NR3C2: variants seen among roughly 807,000 people sequenced by gnomAD.
NR3C2 encodes mineralocorticoid receptor.
A neutral mutation model predicts 86.4 loss-of-function variants in NR3C2; 15 were observed. The ratio of observed to expected loss-of-function variants is 0.17; its 90% CI spans 0.12 to 0.27. The LOEUF (loss-of-function observed/expected upper bound fraction) is 0.27. Ranked by LOEUF, NR3C2 falls within the 10% of genes least tolerant of loss-of-function variation. The probability of loss-of-function intolerance (pLI) is 1.00; values close to 1 mark genes in which losing one functional copy is unlikely to be tolerated. For synonymous variants in NR3C2, 458 were observed against 450.5 expected, an observed-to-expected ratio of 1.02 and a Z score of -0.21; for missense variants, 960 against 1,195.6, an observed-to-expected ratio of 0.80 and a Z score of 2.91.
chr4:148,348,412 G>A (rs1003213415), intron 2 of NR3C2, among the ~76,000 whole-genome samples: 11 of 152,142 alleles, frequency 7.2e-5, no homozygotes, highest in African/African-American at 2.7e-4. Context: ...CCAGCACTTA[G>A]AAACTATCTA....
intron 2 of NR3C2, among the ~76,000 whole-genome samples, chr4:148,380,223 C>T (rs138992169): frequency 2.6e-3 from 397 of 152,254 alleles, no homozygotes; most frequent in African/African-American, 8.7e-3. Context: ...TATGTGGCCT[C>T]TTGTGCTTGG....
chr4:148,407,288 T>G (rs61756953), intron 2 of NR3C2, among the ~76,000 whole-genome samples: 5 of 152,186 alleles, frequency 3.3e-5, no homozygotes, highest in Non-Finnish European at 2.9e-5. Context: ...TGTGGTCTAG[T>G]AACAACAGAA....
chr4:148,239,328 C>T (rs986516628), intron 3 of NR3C2, among the ~76,000 whole-genome samples: 3 of 152,184 alleles, frequency 2.0e-5, no homozygotes, highest in African/African-American at 7.2e-5. Flanking sequence ...AATGAGTTTG[C>T]TCAGCACAGT....
intron 3 of NR3C2, among the ~76,000 whole-genome samples, chr4:148,240,007 G>A (rs1477031169): frequency 6.6e-6 from 1 of 151,908 alleles, no homozygotes; most frequent in East Asian, 1.9e-4. Flanking sequence ...GTGCGTGTGT[G>A]GGGGGCCAGA....
At chr4:148,203,005 T>G (rs1247712343) in intron 3 of NR3C2, among the ~76,000 whole-genome samples, 1 of 152,260 alleles carries the variant, frequency 6.6e-6, no homozygotes, top group Non-Finnish European at 1.5e-5. Context: ...TAAAACCTTA[T>G]TTTTATGCTC....
intron 2 of NR3C2, among the ~76,000 whole-genome samples, chr4:148,352,386 A>G (rs868715416): frequency 7.3e-6 from 1 of 136,466 alleles, no homozygotes; most frequent in Non-Finnish European, 1.5e-5. Flanking sequence ...CTATCTATCT[A>G]TCTATCTATC....
chr4:148,155,721 A>G lies in NR3C2; in HGVS notation c.2015-820T>C, dbSNP rs549878510. ...TTATAGATTCAATGCCATCCCCATC[A>G]AGCTACCAATGACTTTCTTCACGGA... On this transcript the variant is annotated intron_variant, in intron 4 of 8. Coordinates refer to ENST00000358102, the MANE Select transcript of NR3C2 (RefSeq NM_000901.5). 2.7e-5 allele frequency among the ~76,000 whole-genome samples: 4 copies of G among 150,724 alleles called. No homozygotes were observed. In the East Asian group the frequency reaches 7.9e-4, roughly 30 times the overall value.
chr4:148,378,644 C>T (rs951415108), intron 2 of NR3C2, among the ~76,000 whole-genome samples: 9 of 152,140 alleles, frequency 5.9e-5, no homozygotes, highest in Non-Finnish European at 1.3e-4. Context: ...CCATGTAAGA[C>T]GTGCCTGCTT....
At chr4:148,205,875 CTAAAAAAAAAATGTTG>C (rs968223832) in intron 3 of NR3C2, among the ~76,000 whole-genome samples, 4 of 151,800 alleles carry the variant, frequency 2.6e-5, no homozygotes, top group African/African-American at 9.7e-5. Flanking sequence ...GAGAAACACA[CTAAAAAAAAAATGTTG>C]TCAGAAGGCA....
At chr4:148,352,823 C>T (rs1745360898) in intron 2 of NR3C2, among the ~76,000 whole-genome samples, 1 of 152,116 alleles carries the variant, frequency 6.6e-6, no homozygotes. Flanking sequence ...AATCTAACCA[C>T]TAAACTCACA....
At chr4:148,302,939 C>T (rs539288882) in intron 2 of NR3C2, among the ~76,000 whole-genome samples, 18 of 151,678 alleles carry the variant, frequency 1.2e-4, no homozygotes, top group African/African-American at 4.4e-4. Flanking sequence ...ACCCAATTCA[C>T]AGGTATTTGA....
chr4:148,191,998 T>C (rs764123122), intron 4 of NR3C2, among the ~76,000 whole-genome samples: 1 of 152,154 alleles, frequency 6.6e-6, no homozygotes, highest in Non-Finnish European at 1.5e-5. Flanking sequence ...AAATCAGGGA[T>C]TTCTTCTTGG....
At chr4:148,088,725 G>A (rs1177368310) in intron 8 of NR3C2, among the ~76,000 whole-genome samples, 1 of 151,186 alleles carries the variant, frequency 6.6e-6, no homozygotes, top group Admixed American at 6.6e-5. Flanking sequence ...AGGGTGGGGG[G>A]CTAGGGGAGG....
At chr4:148,270,423 T>G (rs1402531041) in intron 2 of NR3C2, among the ~76,000 whole-genome samples, 3 of 152,126 alleles carry the variant, frequency 2.0e-5, no homozygotes, top group Non-Finnish European at 4.4e-5. Context: ...TTTCAGAAAT[T>G]TACATGAGAA....
At chr4:148,366,155 T>C (rs1294936264) in intron 2 of NR3C2, among the ~76,000 whole-genome samples, 1 of 152,180 alleles carries the variant, frequency 6.6e-6, no homozygotes, top group Non-Finnish European at 1.5e-5. Context: ...GTTGAAAATA[T>C]ATAATGTTAG....
At chr4:148,370,609 G>T (rs1579216830) in intron 2 of NR3C2, among the ~76,000 whole-genome samples, 1 of 152,046 alleles carries the variant, frequency 6.6e-6, no homozygotes, top group East Asian at 1.9e-4. Context: ...CAGGAGTTTT[G>T]GTTGGAGTTT....
chr4:148,308,136 T>C (rs1055527529), intron 2 of NR3C2, among the ~76,000 whole-genome samples: 2 of 152,128 alleles, frequency 1.3e-5, no homozygotes, highest in Non-Finnish European at 2.9e-5. Flanking sequence ...CCCAAGGACA[T>C]GTGAAGTTCC....
At chr4:148,141,312 T>C (rs1455898802) in intron 6 of NR3C2, among the ~76,000 whole-genome samples, 1 of 152,008 alleles carries the variant, frequency 6.6e-6, no homozygotes, top group East Asian at 1.9e-4. Context: ...CAGGCGTCTG[T>C]AGTCCCAGCT....
intron 2 of NR3C2, among the ~76,000 whole-genome samples, chr4:148,312,005 T>G (rs967908267): frequency 1.3e-5 from 2 of 152,230 alleles, no homozygotes; most frequent in Non-Finnish European, 2.9e-5. Context: ...TGGGCATGCA[T>G]GCACACACAG....
Sources: allele counts gnomAD v4.1 joint callset (sites outside exome capture counted in the v4.1 genomes callset), GRCh38; gene constraint gnomAD v4.1.1; transcripts MANE v1.5; gene names NCBI Gene and HGNC (gene_info 2026-07-23, HGNC 2026-07-21).